SNX29: variants seen among roughly 807,000 people sequenced by gnomAD.
The protein encoded by SNX29 is sorting nexin-29.
Under a neutral mutation model 102.1 loss-of-function variants are expected in SNX29, and 78 were observed. That is an observed-to-expected ratio of 0.76 (90% confidence interval 0.64 to 0.92). The LOEUF (loss-of-function observed/expected upper bound fraction) is 0.92, where lower values mean the gene tolerates loss of function less well. Among genes scored for constraint, SNX29 ranks in the 40% least tolerant of loss-of-function variants. The pLI, the probability that SNX29 is intolerant of heterozygous loss-of-function variation, is 0.00. For synonymous variants in SNX29, 580 were observed against 414.5 expected (o/e 1.40, Z -4.85); for missense variants, 1,280 against 1,061.7 (o/e 1.21, Z -2.86).
At chr16:12,080,783 C>T (rs1407167644) in intron 11 of SNX29, among the ~76,000 whole-genome samples, 1 of 151,682 alleles carries the variant, frequency 6.6e-6, no homozygotes, top group Non-Finnish European at 1.5e-5. Context: ...CCTCCACCTC[C>T]TGGGTTCAAG....
At chr16:12,527,400 C>T in intron 20 of SNX29, 2 of 471,552 alleles carry the variant, frequency 4.2e-6, no homozygotes, top group Middle Eastern at 5.1e-4. Context: ...GAAATAAACC[C>T]CCAAAGCATA....
chr16:12,571,720 T>G lies in SNX29; in HGVS notation c.*3091T>G, dbSNP rs1022536435. 3.1e-5 allele frequency: 33 copies of G among 1,053,776 alleles called. No homozygotes were observed. The African/African-American group carries it at 5.0e-4, about 16-fold the overall frequency. 65.3% of individuals were successfully genotyped at this position (1,053,776 alleles called of 1,614,324 possible). On this transcript the variant is annotated 3_prime_UTR_variant, in exon 21 of 21. Transcript: ENST00000566228. ...AACAAAAGCTTCTAAGGGAGGGAGC[T>G]TAAAGGCTGCTAGAAACCTAGCCCA...
At chr16:12,415,174 C>T (rs966435702) in intron 18 of SNX29, among the ~76,000 whole-genome samples, 4 of 152,224 alleles carry the variant, frequency 2.6e-5, no homozygotes, top group African/African-American at 9.6e-5. Context: ...AGCAGAAAAC[C>T]AGGACCCACA....
chr16:12,344,967 A>G (rs1329939648), intron 15 of SNX29, among the ~76,000 whole-genome samples: 1 of 152,228 alleles, frequency 6.6e-6, no homozygotes, highest in African/African-American at 2.4e-5. Flanking sequence ...CTTGTGATGG[A>G]ACTATAATTA....
Position 12,572,125 on chromosome 16 carries a change from C to G in SNX29, c.*3496C>G. The G allele has an allele frequency of 2.9e-6, 3 of 1,026,808 alleles. No individual in the cohort carries two copies. The highest frequency in any genetic ancestry group is 4.3e-4 in the Middle Eastern group (1 of 2,332). 63.6% of individuals were successfully genotyped at this position (1,026,808 alleles called of 1,614,324 possible). A position where few individuals can be genotyped will look rare whatever the true frequency, so the allele number is the denominator to read the frequency against. On this transcript the variant is annotated 3_prime_UTR_variant, in exon 21 of 21. Coordinates refer to ENST00000566228, the MANE Select transcript of SNX29 (RefSeq NM_032167.5). ...CTGGGTCTGATCACAGCCCTTGGCC[C>G]TGCTTCATACTTTGGAGCTTATTAA...
At chr16:12,386,041 TGTCCCCGTCACTGCAGAGTTCTG>T (rs2083329660) in intron 16 of SNX29, among the ~76,000 whole-genome samples, 1 of 152,182 alleles carries the variant, frequency 6.6e-6, no homozygotes, top group South Asian at 2.1e-4. Flanking sequence ...GCTGGCCAGG[TGTCCCCGTCACTGCAGAGTTCTG>T]GTCTTAGACT....
Position 12,129,700 on chromosome 16 carries a change from A to G in SNX29, c.1537A>G (p.Lys513Glu), listed in dbSNP as rs897157676. ...GCTCCGGCAAGAGGTGGACACCTTG[A>G]AAAGGAAGGTGGCTGAACAGGAGGA... Reference protein sequence around the residue: ...AALRQEVDTLKRKVAEQEERQ... With the variant: ...AALRQEVDTLERKVAEQEERQ... Residue 513 changes from lysine (K) to glutamate (E), a missense_variant, in exon 13 of 21, where the codon AAA becomes GAA. By Grantham distance (56) the Lys-to-Glu change is moderately conservative (BLOSUM62 1). Transcript: ENST00000566228. The G allele has an allele frequency of 3.1e-6, 5 of 1,611,106 alleles. No individual in the cohort carries two copies. The highest frequency in any genetic ancestry group is 3.4e-6 in the Non-Finnish European group (4 of 1,179,508).
chr16:12,198,912 C>T (rs2076846196), intron 13 of SNX29, among the ~76,000 whole-genome samples: 1 of 152,186 alleles, frequency 6.6e-6, no homozygotes, highest in South Asian at 2.1e-4. Flanking sequence ...CAACAAATGG[C>T]AGTTTTTCCC....
rs1306251093 is a variant in SNX29 at position 12,568,492 on chromosome 16, C to T, written c.2319-14C>T. On this transcript the variant is annotated splice_polypyrimidine_tract_variant and intron_variant, in intron 20 of 20. Transcript: ENST00000566228. ...ATCCCCAGACTTAACCCGATTCTCT[C>T]CCTGCTCTTTCAGCGACATCACCCC... 2.5e-6 allele frequency: 4 copies of T among 1,608,982 alleles called. No individual in the cohort carries two copies. The highest frequency in any genetic ancestry group is 1.6e-4 in the Middle Eastern group (1 of 6,084).
chr16:12,513,800 A>C (rs533614381), intron 19 of SNX29, among the ~76,000 whole-genome samples: 1 of 152,360 alleles, frequency 6.6e-6, no homozygotes, highest in Admixed American at 6.5e-5. Context: ...AGCAGCTGAT[A>C]AAAGGAGCTC....
At chr16:12,082,295 C>T (rs1443833112) in intron 11 of SNX29, among the ~76,000 whole-genome samples, 1 of 152,078 alleles carries the variant, frequency 6.6e-6, no homozygotes, top group Non-Finnish European at 1.5e-5. Context: ...CCCTGTGTGC[C>T]CTGGCAGGTG....
At chr16:12,216,013 C>T (rs1214882170) in intron 14 of SNX29, among the ~76,000 whole-genome samples, 1 of 152,168 alleles carries the variant, frequency 6.6e-6, no homozygotes, top group Non-Finnish European at 1.5e-5. Context: ...GAGTAGACAG[C>T]AAGCAGGCAT....
At chr16:12,253,604 C>T (rs889328068) in intron 14 of SNX29, among the ~76,000 whole-genome samples, 1 of 152,072 alleles carries the variant, frequency 6.6e-6, no homozygotes, top group Non-Finnish European at 1.5e-5. Context: ...GGGATGGTGG[C>T]GGTGTGCCTG....
chr16:12,024,977 G>A (rs903611703), intron 3 of SNX29, among the ~76,000 whole-genome samples: 1 of 151,956 alleles, frequency 6.6e-6, no homozygotes, highest in Admixed American at 6.6e-5. Flanking sequence ...GAGTTTTGGT[G>A]GACGTCCCAG....
chr16:12,144,051 G>C (rs1304097221), intron 13 of SNX29, among the ~76,000 whole-genome samples: 2 of 152,192 alleles, frequency 1.3e-5, no homozygotes, highest in Non-Finnish European at 2.9e-5. Flanking sequence ...TCATTGAGCA[G>C]GTCTGGAGTG....
chr16:12,549,606 G>C (rs148159058), intron 20 of SNX29, among the ~76,000 whole-genome samples: 1 of 152,104 alleles, frequency 6.6e-6, no homozygotes, highest in African/African-American at 2.4e-5. Flanking sequence ...TTCTACTCCA[G>C]AGTCCTTGCC....
At chr16:12,057,211 G>T (rs1313878793) in intron 8 of SNX29, among the ~76,000 whole-genome samples, 2 of 152,192 alleles carry the variant, frequency 1.3e-5, no homozygotes, top group Non-Finnish European at 2.9e-5. Flanking sequence ...CATATGCTGT[G>T]TCTCGCTATT....
In SNX29 at chr16:11,998,868, C is replaced by T. The variant is rs147535913; in HGVS notation, c.8-429C>T. Among the ~76,000 whole-genome samples, 162 of 152,290 alleles carry T rather than the reference C, an allele frequency of 1.1e-3. 2 individuals carry two copies. Among genetic ancestry groups the T allele is most frequent in the African/African-American group, 3.8e-3 (159 of 41,558 alleles). ...TAGTGAGAACAGCCAGTGAGCAGTT[C>T]CTGCTGTACTGGGAAACTTATATTT... On this transcript the variant is annotated intron_variant, in intron 1 of 20. Transcript: ENST00000566228.
chr16:12,336,160 T>C (rs1390752055), intron 15 of SNX29, among the ~76,000 whole-genome samples: 2 of 151,934 alleles, frequency 1.3e-5, no homozygotes, highest in Non-Finnish European at 2.9e-5. Context: ...AGACATTGAT[T>C]ATTCTCAGAG....
Sources: gnomAD v4.1 joint callset for allele counts (sites outside exome capture counted in the v4.1 genomes callset) on GRCh38, gnomAD v4.1.1 for gene constraint, MANE v1.5 for transcripts, NCBI Gene and HGNC (gene_info 2026-07-23, HGNC 2026-07-21) for gene names.